Variants in SPATS2L observed in about 807,000 individuals in gnomAD.
SPATS2L encodes the protein spermatogenesis associated serine rich 2 like, also known as SPATS2-like protein.
A neutral mutation model predicts 59.6 loss-of-function variants in SPATS2L; 30 were observed. The observed-to-expected ratio is 0.50, with a 90% CI of 0.38 to 0.68. The LOEUF is 0.68. SPATS2L is among the 30% of genes least tolerant of loss of function. The pLI, the probability that SPATS2L is intolerant of heterozygous loss-of-function variation, is 0.00. For synonymous variants in SPATS2L, 252 were observed against 263.5 expected (o/e 0.96, Z 0.42); for missense variants, 615 against 700.0 (o/e 0.88, Z 1.37).
intron 3 of SPATS2L, among the ~76,000 whole-genome samples, chr2:200,404,777 G>A (rs922920663): frequency 2.0e-5 from 3 of 152,120 alleles, no homozygotes; most frequent in Non-Finnish European, 2.9e-5. Context: ...ACTGGTTCTG[G>A]AGCCCTGGGG....
intron 2 of SPATS2L, among the ~76,000 whole-genome samples, chr2:200,331,138 A>G (rs570863398): frequency 8.2e-4 from 125 of 152,346 alleles, no homozygotes; most frequent in African/African-American, 3.0e-3. Flanking sequence ...GAAGCCCACA[A>G]TAACTGAAGA....
intron 9 of SPATS2L, among the ~76,000 whole-genome samples, chr2:200,462,715 G>A (rs2086322782): frequency 6.6e-6 from 1 of 152,032 alleles, no homozygotes. Context: ...CCAAGAGTTC[G>A]AGACCAAGCC....
chr2:200,460,130 A>G (rs2086132845), intron 9 of SPATS2L, among the ~76,000 whole-genome samples: 1 of 152,230 alleles, frequency 6.6e-6, no homozygotes, highest in African/African-American at 2.4e-5. Flanking sequence ...TTGTGCACAT[A>G]AAGAACTTAT....
intron 6 of SPATS2L, among the ~76,000 whole-genome samples, chr2:200,420,433 A>C (rs1394005085): frequency 1.3e-5 from 2 of 152,228 alleles, no homozygotes; most frequent in Non-Finnish European, 2.9e-5. Context: ...TCACTTTGCA[A>C]TTAAATGAAG....
At chr2:200,398,785 A>T (rs575252820) in intron 3 of SPATS2L, among the ~76,000 whole-genome samples, 1 of 152,276 alleles carries the variant, frequency 6.6e-6, no homozygotes, top group East Asian at 1.9e-4. Context: ...TGTGCTGCGG[A>T]TCAGAGAACA....
chr2:200,467,324 A>G lies in SPATS2L; in HGVS notation c.882A>G (p.Glu294=). The stretch of plus-strand genomic sequence containing the variant: ...TGACTGCTCGTCAGAAGAAAGCAGA[A>G]GAACTAAAGAGACTCACTGACCTTG... ...EILTARQKKA[E]ELKRLTDLAS... The change falls in exon 10 of 13, where the codon GAA becomes GAG. Residue 294 remains glutamate (E), a synonymous_variant. Transcript: ENST00000409140. 6.2e-7 allele frequency: 1 copy of G among 1,614,052 alleles called. No individual in the cohort carries two copies. The highest frequency in any genetic ancestry group is 8.5e-7 in the Non-Finnish European group (1 of 1,179,882).
At chr2:200,318,532 C>G (rs1034430758) in intron 1 of SPATS2L, among the ~76,000 whole-genome samples, 1 of 152,172 alleles carries the variant, frequency 6.6e-6, no homozygotes, top group Non-Finnish European at 1.5e-5. Context: ...ACTCCCTGAA[C>G]AAGAACTGTT....
At position 200,459,825 on chromosome 2, in the gene SPATS2L, C is replaced by A; in HGVS notation, c.845C>A (p.Ala282Asp). 7.5e-6 allele frequency: 12 copies of A among 1,607,310 alleles called. No individual in the cohort carries two copies. The highest frequency in any genetic ancestry group is 1.0e-5 in the Non-Finnish European group (12 of 1,174,870). Residue 282 changes from alanine (A) to aspartate (D), a missense_variant and splice_region_variant, in exon 9 of 13, where the codon GCC becomes GAC. By Grantham distance (126) the Ala-to-Asp change is moderately radical (BLOSUM62 -2). This residue lies in a region of SPATS2L where 104 missense variants were observed against 162.5 expected (regional missense o/e 0.64). Transcript: ENST00000409140. ...MAEMDKVKEEAMEILTARQKK... is the reference protein window; with the variant it reads ...MAEMDKVKEEDMEILTARQKK... ...GAAATGGATAAAGTTAAAGAAGAAG[C>A]CAGTAAGTAGACAACACATGGTTAT...
At chr2:200,398,398 A>G (rs1377262270) in intron 3 of SPATS2L, among the ~76,000 whole-genome samples, 1 of 152,232 alleles carries the variant, frequency 6.6e-6, no homozygotes, top group Admixed American at 6.5e-5. Flanking sequence ...CATCATTCTA[A>G]AGTAAATAGT....
chr2:200,469,364 A>T (rs1417294657), intron 10 of SPATS2L, among the ~76,000 whole-genome samples: 1 of 152,184 alleles, frequency 6.6e-6, no homozygotes, highest in Non-Finnish European at 1.5e-5. Flanking sequence ...ATTTCTCACC[A>T]TGTCTTCTAC....
At chr2:200,353,659 A>T (rs1004080849) in intron 2 of SPATS2L, among the ~76,000 whole-genome samples, 2 of 152,074 alleles carry the variant, frequency 1.3e-5, no homozygotes, top group Non-Finnish European at 2.9e-5. Context: ...AATCTGACTT[A>T]GTTTAGCTTA....
chr2:200,425,040 C>T (rs2083478091), intron 6 of SPATS2L, among the ~76,000 whole-genome samples: 1 of 151,918 alleles, frequency 6.6e-6, no homozygotes, highest in Non-Finnish European at 1.5e-5. Flanking sequence ...GGGCGCAGCA[C>T]CTGCGCAGAG....
intron 1 of SPATS2L, among the ~76,000 whole-genome samples, chr2:200,312,551 C>T (rs890520420): frequency 1.3e-5 from 2 of 152,208 alleles, no homozygotes; most frequent in African/African-American, 4.8e-5. Flanking sequence ...TAAGCATCGC[C>T]TATACCAGGC....
chr2:200,397,086 G>A (rs533374820), intron 3 of SPATS2L, among the ~76,000 whole-genome samples: 3 of 152,290 alleles, frequency 2.0e-5, no homozygotes, highest in South Asian at 2.1e-4. Context: ...GATTAGCATC[G>A]CATTGCTTTT....
chr2:200,363,981 A>G (rs544510662), intron 2 of SPATS2L, among the ~76,000 whole-genome samples: 1 of 152,318 alleles, frequency 6.6e-6, no homozygotes, highest in South Asian at 2.1e-4. Context: ...AAGGGTATGA[A>G]AATTGATTCT....
rs2087772427 is a variant in SPATS2L, at chr2:200,481,455, C to T, written c.*3424C>T. On this transcript the variant is annotated 3_prime_UTR_variant, in exon 13 of 13. Transcript: ENST00000409140. ...GCGCAGTTCTTTTCCTAAATCGATTCGGTGCTCCCCACCCCGACGCAGGCA... is the reference window on the plus strand; with the variant it reads ...GCGCAGTTCTTTTCCTAAATCGATTTGGTGCTCCCCACCCCGACGCAGGCA... The T allele has an allele frequency of 1.3e-5, 2 of 152,200 alleles. No homozygotes were observed. The highest frequency in any genetic ancestry group is 2.1e-4 in the South Asian group (1 of 4,834). The allele number at this position is 152,200 out of a possible 1,614,324, so 9.4% of individuals were successfully genotyped here. A position where few individuals can be genotyped will look rare whatever the true frequency, so the allele number is the denominator to read the frequency against.
At chr2:200,438,718 G>A (rs2084475145) in intron 6 of SPATS2L, among the ~76,000 whole-genome samples, 1 of 152,118 alleles carries the variant, frequency 6.6e-6, no homozygotes. Flanking sequence ...AGATAGGAGG[G>A]CTACATTTTT....
At chr2:200,456,264 G>A (rs2085828935) in intron 8 of SPATS2L, among the ~76,000 whole-genome samples, 1 of 152,204 alleles carries the variant, frequency 6.6e-6, no homozygotes. Context: ...GTGCACATGA[G>A]TTTTGAAAGC....
Position 200,367,599 on chromosome 2 carries a change from C to T in SPATS2L, c.-22-21624C>T, listed in dbSNP as rs561343025. Among the ~76,000 whole-genome samples, 4 of 152,228 alleles carry T rather than the reference C, an allele frequency of 2.6e-5. No individual in the cohort carries two copies. In the East Asian group the frequency reaches 5.8e-4, roughly 22 times the overall value. ...AATTATGTGGTTTGTTTGCGTGCAGCGTTTGCATTTGATCATAGATTACCT... is the reference window on the plus strand; with the variant it reads ...AATTATGTGGTTTGTTTGCGTGCAGTGTTTGCATTTGATCATAGATTACCT... On this transcript the variant is annotated intron_variant, in intron 2 of 12. Transcript: ENST00000409140.
Sources: gnomAD v4.1 joint callset for allele counts (sites outside exome capture counted in the v4.1 genomes callset) on GRCh38, gnomAD v4.1.1 for gene constraint, gnomAD v4.1.1 regional missense constraint, MANE v1.5 for transcripts, NCBI Gene and HGNC (gene_info 2026-07-23, HGNC 2026-07-21) for gene names.